RAB9A: variants seen among roughly 807,000 people sequenced by gnomAD.
RAB9A encodes ras-related protein Rab-9A.
A neutral mutation model predicts 10.3 loss-of-function variants in RAB9A; 1 was observed. The ratio of observed to expected loss-of-function variants is 0.10; its 90% CI spans 0.03 to 0.46. The LOEUF (loss-of-function observed/expected upper bound fraction) is 0.46, where lower values mean the gene tolerates loss of function less well. Among genes scored for constraint, RAB9A ranks in the 20% least tolerant of loss-of-function variants. The probability of loss-of-function intolerance (pLI) is 0.96; values close to 1 mark genes in which losing one functional copy is unlikely to be tolerated. For missense variants in RAB9A, 92 were observed against 150.3 expected (o/e 0.61, Z 2.03); for synonymous variants, 39 against 55.2 (o/e 0.71, Z 1.30).
intron 2 of RAB9A, among the ~76,000 whole-genome samples, chrX:13,704,618 CTTT>C (rs202238921): frequency 1.0e-5 from 1 of 95,772 alleles, no homozygotes. Context: ...TTCTTTCTTT[CTTT>C]TTTTTTTTTT....
chrX:13,704,062 G>T (rs1006942075), intron 2 of RAB9A, among the ~76,000 whole-genome samples, 160 bp downstream of exon 2: 2 of 111,642 alleles, frequency 1.8e-5, no homozygotes, highest in Non-Finnish European at 3.8e-5. Context: ...TTTTGCCTTG[G>T]CTGCCCTGTA....
intron 1 of RAB9A, among the ~76,000 whole-genome samples, chrX:13,692,025 G>A (rs2046127167): frequency 9.0e-6 from 1 of 110,551 alleles, no homozygotes. Context: ...AAAACAGGCT[G>A]AGTGTGGTGG....
chrX:13,699,138 G>C (rs1460115078), intron 1 of RAB9A, among the ~76,000 whole-genome samples: 1 of 111,476 alleles, frequency 9.0e-6, no homozygotes, highest in African/African-American at 3.3e-5. Flanking sequence ...TCGTTTTTCA[G>C]CATTTGCCAG....
chrX:13,700,495 G>GT (rs892653955), intron 1 of RAB9A, among the ~76,000 whole-genome samples: 10 of 112,125 alleles, frequency 8.9e-5, no homozygotes, highest in African/African-American at 2.9e-4. Context: ...GAATTTTGCC[G>GT]TATCTGCTGG....
rs1049641482 is a variant in RAB9A, at chrX:13,710,196, G to A, written c.*844G>A. The stretch of plus-strand genomic sequence containing the variant: ...TGTGGAAGATACAAAATTACAATTC[G>A]ATTAATGGACTAAATATTTTTGTTA... On this transcript the variant is annotated 3_prime_UTR_variant, in exon 3 of 3. Coordinates refer to ENST00000464506, the MANE Select transcript of RAB9A (RefSeq NM_004251.5). 1.6e-5 allele frequency: 2 copies of A among 123,823 alleles called. No individual in the cohort carries two copies. The highest frequency in any genetic ancestry group is 3.2e-5 in the African/African-American group (1 of 31,004). 10.2% of individuals were successfully genotyped at this position (123,823 alleles called of 1,213,427 possible).
At chrX:13,700,243 C>T (rs2046167064) in intron 1 of RAB9A, among the ~76,000 whole-genome samples, 1 of 111,890 alleles carries the variant, frequency 8.9e-6, no homozygotes, top group South Asian at 3.7e-4. Context: ...AGCCACCGTG[C>T]GTGGCCAGCA....
chrX:13,692,788 T>C (rs1314661546), intron 1 of RAB9A, among the ~76,000 whole-genome samples: 2 of 112,007 alleles, frequency 1.8e-5, no homozygotes, highest in Non-Finnish European at 3.8e-5. Flanking sequence ...GCAATCAACA[T>C]GGCATCTTTT....
At chrX:13,691,529 G>A (rs1003765866) in intron 1 of RAB9A, among the ~76,000 whole-genome samples, 2 of 109,100 alleles carry the variant, frequency 1.8e-5, no homozygotes, top group African/African-American at 3.3e-5. Flanking sequence ...GCGTGGTGGC[G>A]GATGCCCGTA....
chrX:13,691,924 G>C (rs1022207607), intron 1 of RAB9A, among the ~76,000 whole-genome samples: 1 of 109,526 alleles, frequency 9.1e-6, no homozygotes, highest in African/African-American at 3.3e-5. Context: ...ATTAGGTTCT[G>C]ACATCATCCT....
At chrX:13,695,935 T>C (rs761566483) in intron 1 of RAB9A, among the ~76,000 whole-genome samples, 1 of 110,606 alleles carries the variant, frequency 9.0e-6, no homozygotes, top group East Asian at 2.8e-4. Flanking sequence ...AGAGTGGTTT[T>C]ATGGACAATT....
chrX:13,695,495 A>G (rs1343857803), intron 1 of RAB9A, among the ~76,000 whole-genome samples: 1 of 112,276 alleles, frequency 8.9e-6, no homozygotes, highest in East Asian at 2.8e-4. Flanking sequence ...GTAGATATTC[A>G]GTTAATAGTG....
chrX:13,697,526 C>CA (rs201868801), intron 1 of RAB9A, among the ~76,000 whole-genome samples: 6 of 109,909 alleles, frequency 5.5e-5, no homozygotes, highest in East Asian at 5.7e-4. Flanking sequence ...TTAAGCAAAA[C>CA]AAAAAAAAAT....
At chrX:13,708,199 C>T (rs761082659) in intron 2 of RAB9A, among the ~76,000 whole-genome samples, 34 of 109,843 alleles carry the variant, frequency 3.1e-4, no homozygotes, top group African/African-American at 1.0e-3. Context: ...TGGTGTGCAC[C>T]TGTGATTTCA....
intron 1 of RAB9A, among the ~76,000 whole-genome samples, chrX:13,699,852 TAATA>T (rs759959247): frequency 6.2e-5 from 7 of 112,434 alleles, no homozygotes; most frequent in African/African-American, 1.6e-4. Flanking sequence ...ATAATAAAAA[TAATA>T]AATAAATGAA....
At chrX:13,702,382 C>T (rs1321337031) in intron 1 of RAB9A, among the ~76,000 whole-genome samples, 4 of 112,046 alleles carry the variant, frequency 3.6e-5, no homozygotes, top group African/African-American at 6.5e-5. Context: ...CATGGCAGCA[C>T]GTGGCTAAAA....
At chrX:13,694,211 A>G (rs1255811080) in intron 1 of RAB9A, among the ~76,000 whole-genome samples, 2 of 111,757 alleles carry the variant, frequency 1.8e-5, no homozygotes, top group Non-Finnish European at 3.8e-5. Flanking sequence ...TGTTTCTACA[A>G]CTTGCTGTGC....
At chrX:13,691,856 G>C in intron 1 of RAB9A, among the ~76,000 whole-genome samples, 1 of 110,068 alleles carries the variant, frequency 9.1e-6, no homozygotes, top group Non-Finnish European at 1.9e-5. Context: ...GTGCTGATGA[G>C]AAGGGCGGTG....
intron 2 of RAB9A, 137 bp downstream of exon 2, chrX:13,704,039 A>G (rs1569063947): frequency 1.8e-5 from 2 of 112,057 alleles, no homozygotes; most frequent in Admixed American, 1.9e-4. Context: ...CACAGAAACA[A>G]GAGCGTTTTC....
At chrX:13,697,601 T>G (rs1489335816) in intron 1 of RAB9A, among the ~76,000 whole-genome samples, 1 of 112,189 alleles carries the variant, frequency 8.9e-6, no homozygotes, top group East Asian at 2.8e-4. Flanking sequence ...TATCACAGTT[T>G]ATGGTCAAAG....
Sources: allele counts gnomAD v4.1 joint callset (sites outside exome capture counted in the v4.1 genomes callset), GRCh38; gene constraint gnomAD v4.1.1; transcripts MANE v1.5; gene names NCBI Gene and HGNC (gene_info 2026-07-23, HGNC 2026-07-21).